Variants in AJAP1 observed in about 807,000 individuals in gnomAD.
AJAP1 encodes adherens junction-associated protein 1.
In AJAP1, 5 loss-of-function variants were observed where a neutral mutation model predicts 35.0. The observed-to-expected ratio is 0.14, with a 90% CI of 0.07 to 0.30. AJAP1 has a LOEUF of 0.30. Ranked by LOEUF, AJAP1 falls within the 10% of genes least tolerant of loss-of-function variation. The probability of loss-of-function intolerance (pLI) is 1.00; values close to 1 mark genes in which losing one functional copy is unlikely to be tolerated. For synonymous variants in AJAP1, 284 were observed against 249.3 expected (o/e 1.14, Z -1.31); for missense variants, 586 against 571.0 (o/e 1.03, Z -0.27).
intron 1 of AJAP1, among the ~76,000 whole-genome samples, chr1:4,669,799 G>A (rs1344530020): frequency 6.6e-6 from 1 of 152,150 alleles, no homozygotes; most frequent in East Asian, 1.9e-4. Context: ...GCTACGTGCT[G>A]TTTGCCTGTC....
Position 4,723,470 on chromosome 1 carries a change from T to C in AJAP1, c.829+10771T>C, listed in dbSNP as rs1191483912. On this transcript the variant is annotated intron_variant, in intron 2 of 5. Transcript: ENST00000378191. This position sits in a 1 kb window ranked among gnomAD's most constrained non-coding sequence, Gnocchi z 4.3. ...GGGAGAATGAAGGGGCAATTGGGGG[T>C]GATAAGGAAGAGCCCACCGGGAGGA... 6.6e-6 allele frequency among the ~76,000 whole-genome samples: 1 copy of C among 150,840 alleles called. No individual in the cohort carries two copies. Among genetic ancestry groups the C allele is most frequent in the Non-Finnish European group, 1.5e-5 (1 of 67,758 alleles).
chr1:4,676,646 G>T (rs1639368903), intron 1 of AJAP1, among the ~76,000 whole-genome samples: 2 of 152,166 alleles, frequency 1.3e-5, no homozygotes, highest in African/African-American at 4.8e-5. Flanking sequence ...AGGGAGACTG[G>T]ATTGTCGGGT....
In AJAP1 at chr1:4,792,408, T is replaced by C. The variant is rs1252716196; in HGVS notation, c.*9923T>C. ...TTATTCCAGATTTTTTTAAGTTGTT[T>C]CTGTATTTCAAAGCTATGTATTTGG... On this transcript the variant is annotated 3_prime_UTR_variant, in exon 6 of 6. Transcript: ENST00000378191. 1.3e-5 allele frequency: 2 copies of C among 151,840 alleles called. No homozygotes were observed. The highest frequency in any genetic ancestry group is 2.9e-5 in the Non-Finnish European group (2 of 67,992). 9.4% of individuals were successfully genotyped at this position (151,840 alleles called of 1,614,324 possible).
chr1:4,767,329 AT>A (rs1029186967), intron 2 of AJAP1, among the ~76,000 whole-genome samples: 1 of 151,894 alleles, frequency 6.6e-6, no homozygotes, highest in African/African-American at 2.4e-5. Flanking sequence ...CATCACTATC[AT>A]TATTACCATC....
intron 1 of AJAP1, among the ~76,000 whole-genome samples, chr1:4,667,494 TG>T (rs1424265659): frequency 6.6e-6 from 1 of 152,192 alleles, no homozygotes; most frequent in African/African-American, 2.4e-5. Flanking sequence ...TGGATAAAAC[TG>T]TTCCACCTCA....
In AJAP1 at chr1:4,725,160, C is replaced by A. The variant is rs1009936771; in HGVS notation, c.829+12461C>A. 2.6e-5 allele frequency among the ~76,000 whole-genome samples: 4 copies of A among 152,192 alleles called. No homozygotes were observed. In the East Asian group the frequency reaches 5.8e-4, roughly 22 times the overall value. Reference sequence around the variant, plus strand: ...CTGGGTGTTGGGTGCAGACAGCGGCCTGCAGCAGGAACCTCTGACCCCGGC... The same window carrying A: ...CTGGGTGTTGGGTGCAGACAGCGGCATGCAGCAGGAACCTCTGACCCCGGC... On this transcript the variant is annotated intron_variant, in intron 2 of 5. Coordinates refer to ENST00000378191, the MANE Select transcript of AJAP1 (RefSeq NM_018836.4).
At chr1:4,681,253 G>A (rs992421364) in intron 1 of AJAP1, among the ~76,000 whole-genome samples, 4 of 152,212 alleles carry the variant, frequency 2.6e-5, no homozygotes, top group Admixed American at 6.5e-5. Flanking sequence ...TTGGAAGCCC[G>A]TGTTTTCAGC....
At chr1:4,687,598 C>T (rs565351246) in intron 1 of AJAP1, among the ~76,000 whole-genome samples, 24 of 152,246 alleles carry the variant, frequency 1.6e-4, no homozygotes, top group African/African-American at 2.9e-4. Context: ...CTGGTGGCTA[C>T]GGCTGCTTTA....
chr1:4,722,243 G>C (rs1405412711), intron 2 of AJAP1, among the ~76,000 whole-genome samples: 2 of 152,350 alleles, frequency 1.3e-5, no homozygotes, highest in African/African-American at 4.8e-5. Flanking sequence ...CTGTGGCACA[G>C]AGGAGGCCCT....
At chr1:4,663,398 G>T (rs1008706069) in intron 1 of AJAP1, among the ~76,000 whole-genome samples, 1 of 152,112 alleles carries the variant, frequency 6.6e-6, no homozygotes, top group African/African-American at 2.4e-5. Context: ...CACAGAAGGG[G>T]CAGCCCTCAA....
rs542970869 is a variant in AJAP1 at position 4,731,525 on chromosome 1, T to C, written c.829+18826T>C. Among the ~76,000 whole-genome samples the C allele has an allele frequency of 3.9e-5, 6 of 152,320 alleles. No individual in the cohort carries two copies. The South Asian group carries it at 8.3e-4, about 21-fold the overall frequency. Reference sequence around the variant, plus strand: ...AGACTTCAGAAAGGTGTGAACATTTTGCGTGACAGGTAAGAAAGTCAAGGG... The same window carrying C: ...AGACTTCAGAAAGGTGTGAACATTTCGCGTGACAGGTAAGAAAGTCAAGGG... On this transcript the variant is annotated intron_variant, in intron 2 of 5. Coordinates refer to ENST00000378191, the MANE Select transcript of AJAP1 (RefSeq NM_018836.4).
chr1:4,768,729 C>G (rs1052533050), intron 2 of AJAP1, among the ~76,000 whole-genome samples: 14 of 152,172 alleles, frequency 9.2e-5, no homozygotes, highest in African/African-American at 3.4e-4. Flanking sequence ...CTGCCACCTG[C>G]GGGCTTGGCG....
At position 4,734,922 on chromosome 1, in the gene AJAP1, G is replaced by C. The variant is rs1296284955; in HGVS notation, c.829+22223G>C. On this transcript the variant is annotated intron_variant, in intron 2 of 5. Transcript: ENST00000378191. This position sits in a 1 kb window ranked among gnomAD's most constrained non-coding sequence, Gnocchi z 4.3. ...GGCTTTCTGTCCACCGGCACAGATGGCAATGTTGTTTCTCGACTCCTCCGT... is the reference window on the plus strand; with the variant it reads ...GGCTTTCTGTCCACCGGCACAGATGCCAATGTTGTTTCTCGACTCCTCCGT... Among the ~76,000 whole-genome samples, 1 of 152,198 alleles carries C rather than the reference G, an allele frequency of 6.6e-6. No individual in the cohort carries two copies. Among genetic ancestry groups the C allele is most frequent in the South Asian group, 2.1e-4 (1 of 4,830 alleles).
In AJAP1 at chr1:4,760,284, T is replaced by A. The variant is rs1641534684; in HGVS notation, c.830-9569T>A. 2.0e-5 allele frequency among the ~76,000 whole-genome samples: 3 copies of A among 151,808 alleles called. No individual in the cohort carries two copies. The South Asian group carries it at 6.2e-4, about 32-fold the overall frequency. ...GTGTGTCCGTGTATGTGTGAGTGTG[T>A]GTGTGCATGTGCGGGCATGAGTGTG... is the stretch of plus-strand genomic sequence containing the variant. On this transcript the variant is annotated intron_variant, in intron 2 of 5. Coordinates refer to ENST00000378191, the MANE Select transcript of AJAP1 (RefSeq NM_018836.4).
intron 1 of AJAP1, among the ~76,000 whole-genome samples, chr1:4,698,453 C>A (rs1414657750): frequency 6.6e-6 from 1 of 152,222 alleles, no homozygotes; most frequent in Non-Finnish European, 1.5e-5. Flanking sequence ...TGTTTGAGGA[C>A]TTCTGAGGTC....
intron 2 of AJAP1, among the ~76,000 whole-genome samples, chr1:4,761,750 C>T (rs546414117): frequency 6.6e-6 from 1 of 152,098 alleles, no homozygotes; most frequent in Non-Finnish European, 1.5e-5. Flanking sequence ...ACTTGGAGTC[C>T]GATGTTTGAG....
At chr1:4,687,327 A>C (rs566548065) in intron 1 of AJAP1, among the ~76,000 whole-genome samples, 14 of 152,324 alleles carry the variant, frequency 9.2e-5, no homozygotes, top group African/African-American at 3.4e-4. Flanking sequence ...CTGGTGCCTC[A>C]GCTGTTATTT....
chr1:4,662,674 C>A (rs1639026032), intron 1 of AJAP1, among the ~76,000 whole-genome samples: 1 of 152,196 alleles, frequency 6.6e-6, no homozygotes, highest in Admixed American at 6.5e-5. Flanking sequence ...GAAAATGTGC[C>A]GGGCTAGGCG....
Position 4,788,382 on chromosome 1 carries a change from C to T in AJAP1, c.*5897C>T, listed in dbSNP as rs1030114785. The T allele has an allele frequency of 2.0e-5, 3 of 152,260 alleles. No individual in the cohort carries two copies. Among genetic ancestry groups the T allele is most frequent in the African/African-American group, 7.2e-5 (3 of 41,430 alleles). The allele number at this position is 152,260 out of a possible 1,614,324, so 9.4% of individuals were successfully genotyped here. ...CTTTTAAACCACCCCAGCCCTCAGTCGAACAGAAAGAATGAGCGTCTTCTG... is the reference window on the plus strand; with the variant it reads ...CTTTTAAACCACCCCAGCCCTCAGTTGAACAGAAAGAATGAGCGTCTTCTG... On this transcript the variant is annotated 3_prime_UTR_variant, in exon 6 of 6. Coordinates refer to ENST00000378191, the MANE Select transcript of AJAP1 (RefSeq NM_018836.4).
Sources: gnomAD v4.1 joint callset for allele counts (sites outside exome capture counted in the v4.1 genomes callset) on GRCh38, gnomAD v4.1.1 for gene constraint, Gnocchi (gnomAD v3.1) non-coding constraint, MANE v1.5 for transcripts, NCBI Gene and HGNC (gene_info 2026-07-23, HGNC 2026-07-21) for gene names.